Variants in NREP observed in about 807,000 individuals in gnomAD.
The protein encoded by NREP is neuronal regeneration-related protein.
A neutral mutation model predicts 8.6 loss-of-function variants in NREP; 5 were observed. The observed-to-expected ratio is 0.58, with a 90% CI of 0.30 to 1.22. The LOEUF (loss-of-function observed/expected upper bound fraction) is 1.22, where lower values mean the gene tolerates loss of function less well. Among genes scored for constraint, NREP ranks in the 50% most tolerant of loss-of-function variants. The probability of loss-of-function intolerance (pLI) is 0.07; values close to 1 mark genes in which losing one functional copy is unlikely to be tolerated. For synonymous variants in NREP, 27 were observed against 28.0 expected, an observed-to-expected ratio of 0.96 and a Z score of 0.11; for missense variants, 86 against 82.5, an observed-to-expected ratio of 1.04 and a Z score of -0.17.
intron 2 of NREP, among the ~76,000 whole-genome samples, chr5:111,838,482 C>T (rs1752949076): frequency 1.3e-5 from 2 of 152,056 alleles, no homozygotes; most frequent in Admixed American, 1.3e-4. Flanking sequence ...CATTTACAAA[C>T]ACTTTAAGAA....
chr5:111,940,183 G>A (rs1344448710), intron 2 of NREP: 3 of 152,008 alleles, frequency 2.0e-5, no homozygotes, highest in Non-Finnish European at 2.9e-5. Flanking sequence ...CTTACATAAA[G>A]GGAAACACTG....
intron 2 of NREP, among the ~76,000 whole-genome samples, chr5:111,823,150 T>C (rs1020726340): frequency 6.6e-6 from 1 of 152,070 alleles, no homozygotes; most frequent in Non-Finnish European, 1.5e-5. Context: ...AGTGAGAGGG[T>C]AGGGGTCAGG....
At chr5:111,734,970 A>T in intron 3 of NREP, 1 of 403,828 alleles carries the variant, frequency 2.5e-6, no homozygotes, top group Non-Finnish European at 4.4e-6. Flanking sequence ...CACGTTTATA[A>T]AAAATGGTTT....
intron 2 of NREP, among the ~76,000 whole-genome samples, chr5:111,844,778 A>G (rs1226331862): frequency 6.7e-6 from 1 of 149,782 alleles, no homozygotes; most frequent in East Asian, 1.9e-4. Context: ...TCTCAAATTA[A>G]CTATGTTTCT....
chr5:111,826,114 G>A lies in NREP; in HGVS notation c.136-90607C>T, dbSNP rs145999360. Among the ~76,000 whole-genome samples the A allele has an allele frequency of 8.1e-4, 124 of 152,226 alleles. 1 individual carries two copies. Among genetic ancestry groups the A allele is most frequent in the African/African-American group, 3.0e-3 (123 of 41,550 alleles). On this transcript the variant is annotated intron_variant, in intron 2 of 3. Coordinates refer to the NREP transcript ENST00000395634. The stretch of plus-strand genomic sequence containing the variant: ...GAAGCCACCTGGGCTTCTGGGTCAC[G>A]TGGGGACTTGGAGAACTTTTATGTC...
At chr5:111,863,965 A>G (rs1385745916) in intron 2 of NREP, among the ~76,000 whole-genome samples, 5 of 152,160 alleles carry the variant, frequency 3.3e-5, no homozygotes, top group Non-Finnish European at 7.4e-5. Context: ...AGACAAGCAC[A>G]GCATCATTAC....
intron 2 of NREP, among the ~76,000 whole-genome samples, chr5:111,889,244 G>C (rs1238728749): frequency 1.3e-5 from 2 of 152,200 alleles, no homozygotes; most frequent in Non-Finnish European, 2.9e-5. Context: ...GAGGAAACAG[G>C]TGTTTCACAT....
intron 2 of NREP, among the ~76,000 whole-genome samples, chr5:111,794,802 G>C (rs1031787192): frequency 1.3e-5 from 2 of 152,082 alleles, no homozygotes; most frequent in East Asian, 1.9e-4. Context: ...GCAGCACCAG[G>C]AGTGAACCCT....
intron 2 of NREP, chr5:111,739,022 G>C (rs1362755437): frequency 1.3e-5 from 2 of 152,170 alleles, no homozygotes; most frequent in African/African-American, 4.8e-5. Flanking sequence ...CCAGCGTCCA[G>C]ATTGTTAGAA....
chr5:111,874,165 T>C (rs1753852998), intron 2 of NREP, among the ~76,000 whole-genome samples: 1 of 151,788 alleles, frequency 6.6e-6, no homozygotes. Flanking sequence ...AGATAGGACA[T>C]GTTCATTTTC....
intron 2 of NREP, among the ~76,000 whole-genome samples, chr5:111,875,795 G>A (rs1171947931): frequency 6.6e-6 from 1 of 152,262 alleles, no homozygotes; most frequent in South Asian, 2.1e-4. Flanking sequence ...GAAGTTTGTT[G>A]TCTCATGGCC....
chr5:111,944,459 C>T (rs758151329), intron 2 of NREP, among the ~76,000 whole-genome samples: 16 of 152,064 alleles, frequency 1.1e-4, no homozygotes, highest in Non-Finnish European at 2.1e-4. Flanking sequence ...AGGCATGTAC[C>T]ACCATGCCTG....
At chr5:111,883,831 G>C (rs1253649992) in intron 2 of NREP, among the ~76,000 whole-genome samples, 1 of 152,032 alleles carries the variant, frequency 6.6e-6, no homozygotes, top group African/African-American at 2.4e-5. Context: ...GCAGTGTGTA[G>C]AGGGAAATTT....
intron 2 of NREP, among the ~76,000 whole-genome samples, chr5:111,762,840 AAGGATTTGT>A (rs1750993110): frequency 6.6e-6 from 1 of 152,200 alleles, no homozygotes; most frequent in South Asian, 2.1e-4. Context: ...TGGAAGAGTA[AAGGATTTGT>A]AGTATTTGCA....
At chr5:111,806,565 T>C (rs780027321) in intron 2 of NREP, among the ~76,000 whole-genome samples, 3 of 152,164 alleles carry the variant, frequency 2.0e-5, no homozygotes, top group East Asian at 1.9e-4. Context: ...CTCAGTGAAT[T>C]TGTTACAGCC....
chr5:111,904,525 G>T (rs1045290932), intron 2 of NREP, among the ~76,000 whole-genome samples: 4 of 151,934 alleles, frequency 2.6e-5, no homozygotes, highest in Non-Finnish European at 5.9e-5. Context: ...GGCTTTTCAG[G>T]CTGTTTTCTC....
At chr5:111,962,095 G>C (rs567412457) in intron 2 of NREP, among the ~76,000 whole-genome samples, 1 of 152,270 alleles carries the variant, frequency 6.6e-6, no homozygotes, top group African/African-American at 2.4e-5. Context: ...ACCAAGCTCA[G>C]GTTGCCTAAA....
chr5:111,969,665 G>A (rs1307471767), intron 2 of NREP: 1 of 152,110 alleles, frequency 6.6e-6, no homozygotes, highest in Non-Finnish European at 1.5e-5. Context: ...ATAAATTTGG[G>A]TTTTCTTTCT....
chr5:111,739,608 C>A (rs1303306572), intron 2 of NREP: 1 of 152,186 alleles, frequency 6.6e-6, no homozygotes, highest in Non-Finnish European at 1.5e-5. Context: ...TGGTGCTCAT[C>A]AACTGACACT....
Sources: gnomAD v4.1 joint callset for allele counts (sites outside exome capture counted in the v4.1 genomes callset) on GRCh38, gnomAD v4.1.1 for gene constraint, MANE v1.5 for transcripts, NCBI Gene and HGNC (gene_info 2026-07-23, HGNC 2026-07-21) for gene names.